Variants in PDZD2 observed in about 807,000 individuals in gnomAD.
PDZD2 encodes PDZ domain containing 2, also known as PDZ domain-containing protein 2.
In PDZD2, 90 loss-of-function variants were observed where a neutral mutation model predicts 220.7. That is an observed-to-expected ratio of 0.41 (90% CI 0.34 to 0.49). The LOEUF (loss-of-function observed/expected upper bound fraction) is 0.49, where lower values mean the gene tolerates loss of function less well. PDZD2 is among the 20% of genes least tolerant of loss of function. PDZD2 has a pLI of 0.28. For missense variants in PDZD2, 3,174 were observed against 3,608.5 expected (o/e 0.88, Z 3.08); for synonymous variants, 1,375 against 1,450.5 (o/e 0.95, Z 1.18).
intron 2 of PDZD2, among the ~76,000 whole-genome samples, chr5:31,932,927 T>G (rs1161378554): frequency 2.6e-5 from 4 of 151,704 alleles, no homozygotes; most frequent in Non-Finnish European, 5.9e-5. Flanking sequence ...TTCTTGTTTT[T>G]AAGACAGAGT....
intron 2 of PDZD2, among the ~76,000 whole-genome samples, chr5:31,896,603 C>T (rs571741961): frequency 7.9e-5 from 12 of 152,136 alleles, no homozygotes; most frequent in Non-Finnish European, 1.3e-4. Context: ...GTTTCTCAAA[C>T]AAGGGTTTCT....
intron 14 of PDZD2, among the ~76,000 whole-genome samples, chr5:32,062,361 A>G (rs1364981080): frequency 6.7e-6 from 1 of 149,122 alleles, no homozygotes; most frequent in Admixed American, 6.7e-5. Flanking sequence ...GAAGGATACT[A>G]TTTTTCTGAT....
intron 12 of PDZD2, among the ~76,000 whole-genome samples, chr5:32,058,754 T>G (rs1224833983): frequency 2.0e-5 from 3 of 152,124 alleles, no homozygotes; most frequent in Admixed American, 2.0e-4. Context: ...AGATTATAGT[T>G]AAGTGTACAG....
chr5:31,673,745 T>G (rs1013896137), intron 1 of PDZD2, among the ~76,000 whole-genome samples: 16 of 152,000 alleles, frequency 1.1e-4, no homozygotes, highest in African/African-American at 3.9e-4. Context: ...CAGAGGCAGG[T>G]GGATCATCTG....
chr5:31,903,870 C>T (rs1742374912), intron 2 of PDZD2, among the ~76,000 whole-genome samples: 1 of 151,724 alleles, frequency 6.6e-6, no homozygotes, highest in Admixed American at 6.6e-5. Context: ...ATTACAGGTG[C>T]CCGCCACCAT....
intron 1 of PDZD2, among the ~76,000 whole-genome samples, chr5:31,792,776 C>T (rs1005260905): frequency 2.6e-5 from 4 of 152,052 alleles, no homozygotes; most frequent in African/African-American, 9.7e-5. Flanking sequence ...TGTCTCCCTG[C>T]AGCACCACTG....
At chr5:32,035,167 G>T (rs190458652) in intron 6 of PDZD2, among the ~76,000 whole-genome samples, 1 of 152,120 alleles carries the variant, frequency 6.6e-6, no homozygotes, top group East Asian at 1.9e-4. Flanking sequence ...TTTACATATT[G>T]TATACAGAAT....
chr5:31,909,404 G>A (rs1204437637), intron 2 of PDZD2, among the ~76,000 whole-genome samples: 4 of 152,114 alleles, frequency 2.6e-5, no homozygotes, highest in Non-Finnish European at 5.9e-5. Flanking sequence ...ACAAATCTAA[G>A]CAAAAGAGAT....
chr5:31,833,668 G>GAAAC (rs897208273), intron 2 of PDZD2, among the ~76,000 whole-genome samples: 2 of 128,198 alleles, frequency 1.6e-5, no homozygotes, highest in African/African-American at 5.8e-5. Context: ...AAAGAAAAAA[G>GAAAC]AAACAAACAA....
intron 1 of PDZD2, among the ~76,000 whole-genome samples, chr5:31,710,685 C>T (rs1442872773): frequency 5.3e-5 from 8 of 152,030 alleles, no homozygotes; most frequent in Non-Finnish European, 1.2e-4. Context: ...GATGTGGTGG[C>T]ACATGCCTGT....
At chr5:31,991,438 A>C (rs1420606054) in intron 3 of PDZD2, among the ~76,000 whole-genome samples, 1 of 152,148 alleles carries the variant, frequency 6.6e-6, no homozygotes, top group Non-Finnish European at 1.5e-5. Flanking sequence ...GAAGGAATCA[A>C]AGATACTTCA....
At chr5:31,789,777 G>T (rs111428705) in intron 1 of PDZD2, among the ~76,000 whole-genome samples, 1 of 152,126 alleles carries the variant, frequency 6.6e-6, no homozygotes, top group Non-Finnish European at 1.5e-5. Flanking sequence ...AACTAGCCGG[G>T]TGTGGTGGCG....
At chr5:31,798,768 T>G in intron 1 of PDZD2, 121 bp from the exon 2 acceptor site, 1 of 159,618 alleles carries the variant, frequency 6.3e-6, no homozygotes, top group Non-Finnish European at 1.4e-5. Context: ...AGGTTCTGGG[T>G]TTGTGCTTGG....
At chr5:31,884,662 C>G (rs191485662) in intron 2 of PDZD2, among the ~76,000 whole-genome samples, 7 of 152,184 alleles carry the variant, frequency 4.6e-5, no homozygotes, top group Non-Finnish European at 8.8e-5. Flanking sequence ...GATCTCGGCT[C>G]ACTGCAACCT....
At chr5:32,074,690 G>A (rs1271788652) in intron 18 of PDZD2, 47 bp downstream of exon 18, 4 of 1,272,676 alleles carry the variant, frequency 3.1e-6, no homozygotes, top group South Asian at 1.4e-5. Context: ...GCATGAATAT[G>A]TGTGAGTGAA....
intron 2 of PDZD2, among the ~76,000 whole-genome samples, chr5:31,850,073 T>TGTGTATATATAAGTATATATAC (rs1270178650): frequency 0.014 from 1,669 of 115,466 alleles, 90 homozygotes; most frequent in South Asian, 0.023. Context: ...AGTATATATA[T>TGTGTATATATAAGTATATATAC]GTGTATATAT....
intron 24 of PDZD2, among the ~76,000 whole-genome samples, chr5:32,104,966 C>T (rs900608150): frequency 2.6e-5 from 4 of 151,832 alleles, no homozygotes; most frequent in Admixed American, 6.6e-5. Context: ...GAGACTCCAC[C>T]TCTACAAAAA....
intron 2 of PDZD2, among the ~76,000 whole-genome samples, chr5:31,878,793 C>A (rs1739580907): frequency 6.6e-6 from 1 of 151,604 alleles, no homozygotes; most frequent in South Asian, 2.1e-4. Flanking sequence ...GATCTCCTGA[C>A]TTCGTGATCC....
At position 31,906,287 on chromosome 5, in the gene PDZD2, GT is replaced by G. The variant is rs869112827; in HGVS notation, c.477-76863del. Among the ~76,000 whole-genome samples, 6 of 145,480 alleles carry G rather than the reference GT, an allele frequency of 4.1e-5. 1 individual carries two copies. The highest frequency in any genetic ancestry group is 1.5e-4 in the African/African-American group (6 of 39,602). On this transcript the variant is annotated intron_variant, in intron 2 of 24. Transcript: ENST00000438447. ...TGATTTTGTTGTTGTTGTTGTTGTT[GT>G]TTTTGAGATGGGGTCTCACCCTGTT...
Sources: gnomAD v4.1 joint callset for allele counts (sites outside exome capture counted in the v4.1 genomes callset) on GRCh38, gnomAD v4.1.1 for gene constraint, MANE v1.5 for transcripts, NCBI Gene and HGNC (gene_info 2026-07-23, HGNC 2026-07-21) for gene names.